The following KIAA1549L variants were observed in gnomAD, a reference collection of about 807,000 sequenced individuals.
KIAA1549L encodes the protein UPF0606 protein KIAA1549L.
Under a neutral mutation model 160.7 loss-of-function variants are expected in KIAA1549L, and 88 were observed. The observed-to-expected ratio is 0.55, with a 90% CI of 0.46 to 0.65. The LOEUF (loss-of-function observed/expected upper bound fraction) is 0.65. Among genes scored for constraint, KIAA1549L ranks in the 30% least tolerant of loss-of-function variants. The pLI is 0.00. For synonymous variants in KIAA1549L, 950 were observed against 976.7 expected (o/e 0.97, Z 0.51); for missense variants, 2,258 against 2,437.5 (o/e 0.93, Z 1.55).
chr11:33,551,021 G>A lies in KIAA1549L; in HGVS notation c.3502-19G>A. ...TGTGGAAATAAACAATGGGTTTTGT[G>A]GGTCCATTTGTTTTGTAGGTGGACA... On this transcript the variant is annotated intron_variant, in intron 4 of 20. Transcript: ENST00000658780. 1 of 1,591,476 alleles carries A rather than the reference G, an allele frequency of 6.3e-7. No individual in the cohort carries two copies. The highest frequency in any genetic ancestry group is 8.6e-7 in the Non-Finnish European group (1 of 1,159,308).
In KIAA1549L at chr11:33,551,083, A is replaced by G; in HGVS notation, c.3545A>G (p.Tyr1182Cys). Residue 1182 changes from tyrosine (Y) to cysteine (C), a missense_variant, in exon 5 of 21, where the codon TAT becomes TGT. By Grantham distance (194) the Tyr-to-Cys change is radical. Around this residue, in one of 6 missense-constraint regions of KIAA1549L, gnomAD observed 1,359 missense variants for 1,546.6 expected, o/e 0.88. Coordinates refer to ENST00000658780, the MANE Select transcript of KIAA1549L (RefSeq NM_012194.3). Reference sequence around the variant, plus strand: ...TCTCATAATGTCACAGTTGGTTATTATGCTACCAAAGGGAAGTTGGTGTAT... The same window carrying G: ...TCTCATAATGTCACAGTTGGTTATTGTGCTACCAAAGGGAAGTTGGTGTAT... ...EYSHNVTVGYYATKGKLVYLP... is the reference protein window; with the variant it reads ...EYSHNVTVGYCATKGKLVYLP... 6.2e-7 allele frequency: 1 copy of G among 1,614,002 alleles called. No individual in the cohort carries two copies. Among genetic ancestry groups the G allele is most frequent in the Non-Finnish European group, 8.5e-7 (1 of 1,179,864 alleles).
In KIAA1549L at chr11:33,376,177, G is replaced by C. The variant is rs1849947875; in HGVS notation, c.-475G>C. ...GGAACCCGAGCCGGAGCCGGGGCTG[G>C]AACCCGAAGCCCAGCGAGGAGCGAG... On this transcript the variant is annotated 5_prime_UTR_variant, in exon 1 of 21. Transcript: ENST00000658780. This position sits in a 1 kb window ranked among gnomAD's most constrained non-coding sequence, Gnocchi z 5.8. 6.7e-6 allele frequency among the ~76,000 whole-genome samples: 1 copy of C among 149,616 alleles called. No homozygotes were observed. The highest frequency in any genetic ancestry group is 1.5e-5 in the Non-Finnish European group (1 of 67,084).
chr11:33,484,788 T>C (rs1020924769), intron 1 of KIAA1549L, among the ~76,000 whole-genome samples: 4 of 152,240 alleles, frequency 2.6e-5, no homozygotes, highest in African/African-American at 9.6e-5. Flanking sequence ...CTCCAGAATT[T>C]ATAAGTTTAT....
intron 1 of KIAA1549L, among the ~76,000 whole-genome samples, chr11:33,518,138 C>CAAAAAAAAAAAAAAAAAAAAAAAAAA (rs560876643): frequency 1.7e-5 from 1 of 59,414 alleles, no homozygotes; most frequent in African/African-American, 6.6e-5. Context: ...GACTCTGTCT[C>CAAAAAAAAAAAAAAAAAAAAAAAAAA]AAAAAAAAAA....
rs1852597972 is a variant in KIAA1549L, at chr11:33,669,419, A to AC, written c.*1268dup. The AC allele has an allele frequency of 6.6e-6, 1 of 152,172 alleles. No homozygotes were observed. Among genetic ancestry groups the AC allele is most frequent in the African/African-American group, 2.4e-5 (1 of 41,414 alleles). The allele number at this position is 152,172 out of a possible 1,614,324, so 9.4% of individuals were successfully genotyped here. A position where few individuals can be genotyped will look rare whatever the true frequency, so the allele number is the denominator to read the frequency against. ...GGCACTGAGGCACCAGCCGCTGCCT[A>AC]CCCATCAATGCAAGCAAAACAGCTA... On this transcript the variant is annotated 3_prime_UTR_variant, in exon 21 of 21. Coordinates refer to ENST00000658780, the MANE Select transcript of KIAA1549L (RefSeq NM_012194.3).
chr11:33,591,419 G>T lies in KIAA1549L; in HGVS notation c.4749G>T (p.Lys1583Asn), dbSNP rs1435064956. 1 of 1,602,180 alleles carries T rather than the reference G, an allele frequency of 6.2e-7. No homozygotes were observed. Residue 1583 changes from lysine (K) to asparagine (N), a missense_variant and splice_region_variant, in exon 12 of 21, where the codon AAG becomes AAT. Lys to Asn is a moderately conservative substitution (Grantham distance 94, BLOSUM62 0). Transcript: ENST00000658780. ...CCGCCAAATCCACTGAAACCAGGAAGAGGTAGGCACGGGGCTGACTTCTGC... is the reference window on the plus strand; with the variant it reads ...CCGCCAAATCCACTGAAACCAGGAATAGGTAGGCACGGGGCTGACTTCTGC... The part of the protein sequence containing the change: ...IKTAKSTETR[K>N]SRSPSENGSV...
rs1852640128 is a variant in KIAA1549L at position 33,670,596 on chromosome 11, A to T, written c.*2442A>T. 6.6e-6 allele frequency: 1 copy of T among 152,252 alleles called. No individual in the cohort carries two copies. Among genetic ancestry groups the T allele is most frequent in the African/African-American group, 2.4e-5 (1 of 41,456 alleles). 9.4% of individuals were successfully genotyped at this position (152,252 alleles called of 1,614,324 possible). A position where few individuals can be genotyped will look rare whatever the true frequency, so the allele number is the denominator to read the frequency against. ...TGTTCATGTTATCCCACTCATGGGG[A>T]GACAGAGCCACTCTGGTCAGATTTT... On this transcript the variant is annotated 3_prime_UTR_variant, in exon 21 of 21. Coordinates refer to ENST00000658780, the MANE Select transcript of KIAA1549L (RefSeq NM_012194.3).
intron 3 of KIAA1549L, 145 bp from the exon 4 acceptor site, chr11:33,547,619 C>T: frequency 1.7e-6 from 1 of 601,580 alleles, no homozygotes; most frequent in Non-Finnish European, 3.0e-6. Context: ...GAGCTACCAC[C>T]CCAGCGCACC....
chr11:33,485,074 C>T (rs896734248), intron 1 of KIAA1549L, among the ~76,000 whole-genome samples: 16 of 152,130 alleles, frequency 1.1e-4, no homozygotes, highest in African/African-American at 3.6e-4. Flanking sequence ...TTATCATCCA[C>T]GACCCAGCAC....
chr11:33,543,084 C>A lies in KIAA1549L; in HGVS notation c.1521C>A (p.Phe507Leu). 6.2e-7 allele frequency: 1 copy of A among 1,613,962 alleles called. No individual in the cohort carries two copies. Among genetic ancestry groups the A allele is most frequent in the Non-Finnish European group, 8.5e-7 (1 of 1,179,900 alleles). Residue 507 changes from phenylalanine (F) to leucine (L), a missense_variant, in exon 2 of 21, where the codon TTC becomes TTA. Transcript: ENST00000658780. ...CCGACTTTCCCTCCATACTTACTTT[C>A]CTCCAGCCCACAGAGAATCATGCCT... Reference protein sequence around the residue: ...GTADFPSILTFLQPTENHASP... With the variant: ...GTADFPSILTLLQPTENHASP...
intron 1 of KIAA1549L, among the ~76,000 whole-genome samples, chr11:33,444,091 A>G (rs896701223): frequency 1.2e-4 from 18 of 152,380 alleles, no homozygotes; most frequent in African/African-American, 3.8e-4. Context: ...TTATATGTGA[A>G]TGATGATCTC....
At chr11:33,395,812 C>G (rs538448955) in intron 1 of KIAA1549L, among the ~76,000 whole-genome samples, 36 of 151,998 alleles carry the variant, frequency 2.4e-4, no homozygotes, top group African/African-American at 8.4e-4. Flanking sequence ...CTGCTGTCTT[C>G]TGTTTGGCAA....
rs761390480 is a variant in KIAA1549L at position 33,568,122 on chromosome 11, C to T, written c.4125C>T (p.Ser1375=). 2.9e-5 allele frequency: 47 copies of T among 1,612,856 alleles called. No individual in the cohort carries two copies. In the South Asian group the frequency reaches 5.1e-4, roughly 17 times the overall value. ...CGCTGGTGGGCCTGCACAACCAGAG[C>T]TTTGCCCGGGTCATGGAGCAGCGCC... ...DNSLVGLHNQ[S]FARVMEQRLA... is the part of the protein sequence containing the mutation. Residue 1375 remains serine, a synonymous_variant, in exon 9 of 21, where the codon AGC becomes AGT. Transcript: ENST00000658780.
chr11:33,655,935 C>A, intron 17 of KIAA1549L, 77 bp from the exon 18 acceptor site: 1 of 1,015,328 alleles, frequency 9.8e-7, no homozygotes, highest in Non-Finnish European at 1.5e-6. Flanking sequence ...TTGCTTCCTC[C>A]TCAAACAAGA....
chr11:33,545,275 C>T lies in KIAA1549L; in HGVS notation c.3282C>T (p.Asn1094=), dbSNP rs778819385. 23 of 1,613,876 alleles carry T rather than the reference C, an allele frequency of 1.4e-5. No homozygotes were observed. The highest frequency in any genetic ancestry group is 5.0e-5 in the Admixed American group (3 of 60,002). The part of the protein sequence containing the change: ...ATRLPPLRAE[N]TDAVLPAASA... ...GGTTGCCACCATTGCGAGCAGAAAA[C>T]ACAGATGCTGTCCTTCCTGCTGCAT... Residue 1094 remains asparagine, a synonymous_variant, in exon 3 of 21, where the codon AAC becomes AAT. Transcript: ENST00000658780.
intron 1 of KIAA1549L, among the ~76,000 whole-genome samples, chr11:33,499,855 G>A (rs1015866826): frequency 1.3e-5 from 2 of 152,164 alleles, no homozygotes; most frequent in Admixed American, 1.3e-4. Context: ...GAAAGAAATG[G>A]AAAACATGGT....
intron 16 of KIAA1549L, among the ~76,000 whole-genome samples, chr11:33,628,640 A>G (rs368409897): frequency 6.9e-6 from 1 of 145,604 alleles, no homozygotes; most frequent in Admixed American, 6.8e-5. Context: ...TTTGCTTGGT[A>G]GATCTTCCTC....
chr11:33,445,084 G>A (rs1851584184), intron 1 of KIAA1549L, among the ~76,000 whole-genome samples: 1 of 152,200 alleles, frequency 6.6e-6, no homozygotes, highest in East Asian at 1.9e-4. Context: ...ACAATGGAGA[G>A]CGCAGCACAG....
Position 33,530,433 on chromosome 11 carries a change from AAAAATATATATATATATATATAT to A in KIAA1549L, c.239-11367_239-11345del, listed in dbSNP as rs1320312078. Among the ~76,000 whole-genome samples the A allele has an allele frequency of 1.7e-3, 17 of 9,728 alleles. 1 individual carries two copies. Among genetic ancestry groups the A allele is most frequent in the South Asian group, 6.8e-3 (2 of 292 alleles). 6.4% of individuals were successfully genotyped at this position (9,728 alleles called of 152,430 possible). On this transcript the variant is annotated intron_variant, in intron 1 of 20. Transcript: ENST00000658780. ...AAGAAGGAAAAAAAAAAAAAAAAAA[AAAAATATATATATATATATATAT>A]ATATATATATATATATATATATATA... is the stretch of plus-strand genomic sequence containing the variant.
Sources: allele counts gnomAD v4.1 joint callset (sites outside exome capture counted in the v4.1 genomes callset), GRCh38; gene constraint gnomAD v4.1.1; regional missense constraint gnomAD v4.1.1; non-coding constraint Gnocchi (gnomAD v3.1); transcripts MANE v1.5; gene names NCBI Gene and HGNC (gene_info 2026-07-23, HGNC 2026-07-21).